OSBPL6: variants seen among roughly 807,000 people sequenced by gnomAD.
OSBPL6 encodes oxysterol binding protein like 6.
A neutral mutation model predicts 125.8 loss-of-function variants in OSBPL6; 49 were observed. The observed-to-expected ratio is 0.39, with a 90% CI of 0.31 to 0.49. OSBPL6 has a LOEUF of 0.49. OSBPL6 is among the 20% of genes least tolerant of loss of function. The probability of loss-of-function intolerance (pLI) is 0.88; values close to 1 mark genes in which losing one functional copy is unlikely to be tolerated. For synonymous variants in OSBPL6, 394 were observed against 391.8 expected, an observed-to-expected ratio of 1.01 and a Z score of -0.07; for missense variants, 986 against 1,135.4, an observed-to-expected ratio of 0.87 and a Z score of 1.89.
At chr2:178,251,040 T>C (rs1176985333) in intron 1 of OSBPL6, among the ~76,000 whole-genome samples, 2 of 152,208 alleles carry the variant, frequency 1.3e-5, no homozygotes, top group Non-Finnish European at 2.9e-5. Flanking sequence ...TTTCTTTTCC[T>C]GTCCAGAAGA....
intron 3 of OSBPL6, chr2:178,323,527 A>G (rs746259785): frequency 6.6e-6 from 1 of 152,124 alleles, no homozygotes; most frequent in East Asian, 1.9e-4. Flanking sequence ...GCATTGTGCA[A>G]TCTTGGCTCA....
chr2:178,298,255 C>A (rs1685938074), intron 2 of OSBPL6, among the ~76,000 whole-genome samples: 1 of 152,104 alleles, frequency 6.6e-6, no homozygotes, highest in Non-Finnish European at 1.5e-5. Context: ...ATGGATATAA[C>A]CCTTTTTTAA....
At chr2:178,329,113 A>G (rs1475487031) in intron 5 of OSBPL6, among the ~76,000 whole-genome samples, 1 of 152,124 alleles carries the variant, frequency 6.6e-6, no homozygotes, top group Non-Finnish European at 1.5e-5. Flanking sequence ...TTGTGATGTG[A>G]TGAACATCCT....
intron 1 of OSBPL6, among the ~76,000 whole-genome samples, chr2:178,212,799 G>C (rs1000082267): frequency 1.4e-5 from 2 of 145,314 alleles, no homozygotes; most frequent in African/African-American, 5.4e-5. Flanking sequence ...TGTGAACACA[G>C]ACCCTCTTGA....
rs6708961 is a variant in OSBPL6 at position 178,390,854 on chromosome 2, A to G, written c.2302-219A>G. On this transcript the variant is annotated intron_variant, in intron 21 of 24. Transcript: ENST00000190611. ...AGAAGCTGAGCCTTCTCTGTGATAT[A>G]CTACCATGTTATGCGTGGAATAGAG... 9.2e-3 allele frequency among the ~76,000 whole-genome samples: 1,400 copies of G among 152,354 alleles called. 18 individuals are homozygous for G. Among genetic ancestry groups the G allele is most frequent in the African/African-American group, 0.028 (1,180 of 41,566 alleles).
At chr2:178,326,868 A>G (rs947225018) in intron 4 of OSBPL6, among the ~76,000 whole-genome samples, 2 of 152,216 alleles carry the variant, frequency 1.3e-5, no homozygotes, top group Admixed American at 1.3e-4. Context: ...TTTAAGAAAT[A>G]CATTTTAACT....
At chr2:178,226,590 G>A (rs1295359483) in intron 1 of OSBPL6, among the ~76,000 whole-genome samples, 1 of 152,204 alleles carries the variant, frequency 6.6e-6, no homozygotes, top group Non-Finnish European at 1.5e-5. Flanking sequence ...ATGCTCACAT[G>A]TGTTTAGAAC....
At chr2:178,210,824 ACACACACACAC>A (rs1291099518) in intron 1 of OSBPL6, among the ~76,000 whole-genome samples, 36 of 103,396 alleles carry the variant, frequency 3.5e-4, no homozygotes, top group African/African-American at 1.2e-3. Flanking sequence ...AAAAAAAAAA[ACACACACACAC>A]ACACACACAC....
chr2:178,346,142 T>C (rs567499634), intron 11 of OSBPL6, among the ~76,000 whole-genome samples: 34 of 152,288 alleles, frequency 2.2e-4, no homozygotes, highest in African/African-American at 8.2e-4. Flanking sequence ...AATTTGCTCT[T>C]GATGACTCTT....
chr2:178,202,249 A>G (rs544382690), intron 1 of OSBPL6, among the ~76,000 whole-genome samples: 20 of 152,276 alleles, frequency 1.3e-4, no homozygotes, highest in Non-Finnish European at 2.6e-4. Context: ...TTGCAGATGC[A>G]TATTTCCATC....
chr2:178,206,461 G>T (rs1395986124), intron 1 of OSBPL6, among the ~76,000 whole-genome samples: 2 of 152,158 alleles, frequency 1.3e-5, no homozygotes, highest in Non-Finnish European at 2.9e-5. Flanking sequence ...TATATTTAGT[G>T]ATATCATTAT....
At chr2:178,204,304 G>A (rs2089422085) in intron 1 of OSBPL6, among the ~76,000 whole-genome samples, 2 of 152,212 alleles carry the variant, frequency 1.3e-5, no homozygotes, top group Admixed American at 1.3e-4. Context: ...GATTACAGGT[G>A]TGAGCCACCC....
chr2:178,255,956 TG>T (rs1233915505), intron 1 of OSBPL6, among the ~76,000 whole-genome samples: 2 of 152,226 alleles, frequency 1.3e-5, no homozygotes, highest in Non-Finnish European at 2.9e-5. Flanking sequence ...ATCTGTGGTT[TG>T]ACCTTGATAA....
intron 1 of OSBPL6, among the ~76,000 whole-genome samples, chr2:178,268,962 G>A (rs1446965941): frequency 6.6e-6 from 1 of 152,104 alleles, no homozygotes; most frequent in East Asian, 1.9e-4. Context: ...CTTCCTGCAT[G>A]ATTGTATGTG....
chr2:178,365,336 G>A (rs541448777), intron 13 of OSBPL6, among the ~76,000 whole-genome samples: 1 of 152,070 alleles, frequency 6.6e-6, no homozygotes, highest in Non-Finnish European at 1.5e-5. Flanking sequence ...TCGTCTTTTC[G>A]AAGGCACATA....
intron 1 of OSBPL6, among the ~76,000 whole-genome samples, chr2:178,198,485 G>A (rs1299729757): frequency 6.6e-6 from 1 of 151,582 alleles, no homozygotes; most frequent in Non-Finnish European, 1.5e-5. Flanking sequence ...TTAGTAGAGA[G>A]GGGGTTTCAC....
In OSBPL6 at chr2:178,205,664, C is replaced by G. The variant is rs570442892; in HGVS notation, c.-351+10990C>G. On this transcript the variant is annotated intron_variant, in intron 1 of 24. Transcript: ENST00000190611. Reference sequence around the variant, plus strand: ...GCAGAGGACAAAAAATCAAGCAGCACAGCAGGAGATATTTCCCGTATATAT... The same window carrying G: ...GCAGAGGACAAAAAATCAAGCAGCAGAGCAGGAGATATTTCCCGTATATAT... Among the ~76,000 whole-genome samples the G allele has an allele frequency of 4.6e-5, 7 of 152,280 alleles. 1 individual carries two copies. In the East Asian group the frequency reaches 1.4e-3, roughly 29 times the overall value.
chr2:178,397,070 C>T lies in OSBPL6; in HGVS notation c.*1511C>T, dbSNP rs968383253. On this transcript the variant is annotated 3_prime_UTR_variant, in exon 25 of 25. Coordinates refer to ENST00000190611, the MANE Select transcript of OSBPL6 (RefSeq NM_032523.4). ...TAAAACTCTGATACAGTTACAGACA[C>T]TTTACATTTTATTATGAGGTGTTGA... 1.3e-5 allele frequency: 2 copies of T among 152,172 alleles called. No homozygotes were observed. The highest frequency in any genetic ancestry group is 1.3e-4 in the Admixed American group (2 of 15,282). 9.4% of individuals were successfully genotyped at this position (152,172 alleles called of 1,614,324 possible). A position where few individuals can be genotyped will look rare whatever the true frequency, so the allele number is the denominator to read the frequency against.
At chr2:178,381,765 A>T (rs1301816124) in intron 15 of OSBPL6, among the ~76,000 whole-genome samples, 6 of 152,142 alleles carry the variant, frequency 3.9e-5, no homozygotes, top group African/African-American at 1.4e-4. Flanking sequence ...CATCCTGTGC[A>T]TTTTTGTTGG....
Sources: gnomAD v4.1 joint callset for allele counts (sites outside exome capture counted in the v4.1 genomes callset) on GRCh38, gnomAD v4.1.1 for gene constraint, MANE v1.5 for transcripts, NCBI Gene and HGNC (gene_info 2026-07-23, HGNC 2026-07-21) for gene names.